The following PRKD1 variants were observed in gnomAD, a reference collection of about 807,000 sequenced individuals.
The protein encoded by PRKD1 is serine/threonine-protein kinase D1.
Under a neutral mutation model 95.9 loss-of-function variants are expected in PRKD1, and 63 were observed. The observed-to-expected ratio is 0.66, with a 90% CI of 0.54 to 0.81. The LOEUF is 0.81. Ranked by LOEUF, PRKD1 falls within the 30% of genes least tolerant of loss-of-function variation. The pLI is 0.00. For synonymous variants in PRKD1, 425 were observed against 423.1 expected (o/e 1.00, Z -0.05); for missense variants, 1,048 against 1,165.3 (o/e 0.90, Z 1.47).
chr14:29,801,423 A>G (rs759127336), intron 1 of PRKD1, among the ~76,000 whole-genome samples: 1 of 152,210 alleles, frequency 6.6e-6, no homozygotes, highest in Non-Finnish European at 1.5e-5. Context: ...CTTAAACGAT[A>G]AAGTTGCCTC....
chr14:29,628,437 TTGACGGAC>T (rs1879768409), intron 11 of PRKD1, among the ~76,000 whole-genome samples: 1 of 152,180 alleles, frequency 6.6e-6, no homozygotes, highest in Non-Finnish European at 1.5e-5. Context: ...AAGCAAACAT[TTGACGGAC>T]TGTAAAATAT....
intron 4 of PRKD1, among the ~76,000 whole-genome samples, chr14:29,641,031 G>A (rs529372551): frequency 6.6e-6 from 1 of 152,130 alleles, no homozygotes; most frequent in South Asian, 2.1e-4. Flanking sequence ...TTATTTTTGA[G>A]AGGTTATTTC....
chr14:29,656,816 T>C (rs938737376), intron 4 of PRKD1, among the ~76,000 whole-genome samples: 1 of 152,212 alleles, frequency 6.6e-6, no homozygotes, highest in Non-Finnish European at 1.5e-5. Flanking sequence ...CGATGGTTCT[T>C]TCACCTCATT....
intron 1 of PRKD1, among the ~76,000 whole-genome samples, chr14:29,762,106 G>A (rs998287737): frequency 6.6e-6 from 1 of 151,982 alleles, no homozygotes; most frequent in African/African-American, 2.4e-5. Context: ...AAGAAGATGG[G>A]GGAAGAAGAG....
At chr14:29,733,735 C>T (rs1022354699) in intron 1 of PRKD1, among the ~76,000 whole-genome samples, 31 of 152,152 alleles carry the variant, frequency 2.0e-4, no homozygotes, top group African/African-American at 7.0e-4. Flanking sequence ...TTACCTCCAC[C>T]AGATAATCCC....
intron 1 of PRKD1, among the ~76,000 whole-genome samples, chr14:29,762,997 G>T (rs979903275): frequency 6.6e-6 from 1 of 151,884 alleles, no homozygotes; most frequent in African/African-American, 2.4e-5. Flanking sequence ...ACCCATCTCG[G>T]CCTCCCAAAG....
chr14:29,902,946 G>A (rs1297958460), intron 1 of PRKD1, among the ~76,000 whole-genome samples: 1 of 152,134 alleles, frequency 6.6e-6, no homozygotes, highest in Non-Finnish European at 1.5e-5. Context: ...GAAATATAAG[G>A]GTGAAGACAA....
chr14:29,836,097 T>A (rs1271565821), intron 1 of PRKD1, among the ~76,000 whole-genome samples: 7 of 152,078 alleles, frequency 4.6e-5, no homozygotes, highest in Non-Finnish European at 1.0e-4. Context: ...GGAGGTGACA[T>A]GAGAGCATGA....
chr14:29,606,343 T>A (rs889916280), intron 13 of PRKD1, among the ~76,000 whole-genome samples: 2 of 152,058 alleles, frequency 1.3e-5, no homozygotes, highest in Non-Finnish European at 2.9e-5. Flanking sequence ...ATACTAATAA[T>A]ATGGATGTGA....
intron 1 of PRKD1, among the ~76,000 whole-genome samples, chr14:29,880,854 C>G (rs1468104246): frequency 6.6e-6 from 1 of 152,174 alleles, no homozygotes; most frequent in Non-Finnish European, 1.5e-5. Flanking sequence ...GGATTTCGGA[C>G]TTGCATGGGC....
chr14:29,881,261 G>A (rs571921556), intron 1 of PRKD1, among the ~76,000 whole-genome samples: 2 of 152,290 alleles, frequency 1.3e-5, no homozygotes, highest in South Asian at 4.1e-4. Flanking sequence ...TCTCATGATA[G>A]TGAATAAGTC....
intron 1 of PRKD1, among the ~76,000 whole-genome samples, chr14:29,887,507 G>A (rs1467911324): frequency 6.6e-6 from 1 of 152,162 alleles, no homozygotes; most frequent in Admixed American, 6.5e-5. Context: ...ATCTATAGAA[G>A]AAACAGCACT....
At chr14:29,579,232 T>C (rs1333652719) in intron 16 of PRKD1, among the ~76,000 whole-genome samples, 1 of 152,050 alleles carries the variant, frequency 6.6e-6, no homozygotes, top group Non-Finnish European at 1.5e-5. Flanking sequence ...TATACGTCAT[T>C]AATAGTTCAT....
intron 1 of PRKD1, among the ~76,000 whole-genome samples, chr14:29,889,164 A>G (rs1052473537): frequency 1.3e-5 from 2 of 152,318 alleles, no homozygotes; most frequent in African/African-American, 4.8e-5. Context: ...CTAAAGTTCA[A>G]GACATAAATT....
At chr14:29,617,279 C>T (rs1878933334) in intron 13 of PRKD1, among the ~76,000 whole-genome samples, 1 of 152,094 alleles carries the variant, frequency 6.6e-6, no homozygotes, top group South Asian at 2.1e-4. Context: ...TAACTTTTAG[C>T]CTCAACTGAT....
chr14:29,615,594 A>G (rs1345234014), intron 13 of PRKD1, among the ~76,000 whole-genome samples: 1 of 152,168 alleles, frequency 6.6e-6, no homozygotes, highest in Non-Finnish European at 1.5e-5. Flanking sequence ...CCTGATTCCA[A>G]CGCTCTGGAA....
At chr14:29,739,285 C>T (rs776416601) in intron 1 of PRKD1, among the ~76,000 whole-genome samples, 1 of 152,178 alleles carries the variant, frequency 6.6e-6, no homozygotes. Context: ...TCATTCAAGA[C>T]AAGACTTTAA....
chr14:29,864,473 A>T (rs2139365229), intron 1 of PRKD1, among the ~76,000 whole-genome samples: 1 of 152,232 alleles, frequency 6.6e-6, no homozygotes, highest in East Asian at 1.9e-4. Flanking sequence ...GTCTGTGTTC[A>T]ATACCTATTC....
chr14:29,626,362 T>C, intron 12 of PRKD1, 122 bp downstream of exon 12: 1 of 798,850 alleles, frequency 1.3e-6, no homozygotes, highest in Non-Finnish European at 2.0e-6. Context: ...CACAAAAAGA[T>C]ACACACACAG....
Sources: gnomAD v4.1 joint callset for allele counts (sites outside exome capture counted in the v4.1 genomes callset) on GRCh38, gnomAD v4.1.1 for gene constraint, MANE v1.5 for transcripts, NCBI Gene and HGNC (gene_info 2026-07-23, HGNC 2026-07-21) for gene names.